The following RICTOR variants were observed in gnomAD, a reference collection of about 807,000 sequenced individuals.
The protein encoded by RICTOR is RPTOR independent companion of MTOR complex 2, also known as rapamycin-insensitive companion of mTOR.
A neutral mutation model predicts 214.9 loss-of-function variants in RICTOR; 49 were observed. That is an observed-to-expected ratio of 0.23 (90% CI 0.18 to 0.29). RICTOR has a LOEUF of 0.29. Ranked by LOEUF, RICTOR falls within the 10% of genes least tolerant of loss-of-function variation. RICTOR has a pLI of 1.00. For synonymous variants in RICTOR, 717 were observed against 711.3 expected (o/e 1.01, Z -0.13); for missense variants, 1,625 against 2,047.0 (o/e 0.79, Z 3.98).
In RICTOR at chr5:38,953,566, A is replaced by AG. The variant is rs1292563117; in HGVS notation, c.2698-14_2698-13insC. 2 of 924,092 alleles carry AG rather than the reference A, an allele frequency of 2.2e-6. No homozygotes were observed. The highest frequency in any genetic ancestry group is 2.3e-5 in the South Asian group (1 of 44,126). 57.2% of individuals were successfully genotyped at this position (924,092 alleles called of 1,614,324 possible). A position where few individuals can be genotyped will look rare whatever the true frequency, so the allele number is the denominator to read the frequency against. On this transcript the variant is annotated splice_polypyrimidine_tract_variant and intron_variant, in intron 27 of 37. Coordinates refer to ENST00000357387, the MANE Select transcript of RICTOR (RefSeq NM_152756.5). ...CTGTAATAATATTCTGGAGAAAGAA[A>AG]AAAAAATACCATGAGTAATAATATA... is the stretch of plus-strand genomic sequence containing the variant.
At chr5:38,967,094 C>G in intron 14 of RICTOR, 67 bp downstream of exon 14, 1 of 1,247,966 alleles carries the variant, frequency 8.0e-7, no homozygotes, top group Non-Finnish European at 1.2e-6. Context: ...AGTCACCACA[C>G]CTGGCATGAA....
At chr5:38,954,960 A>G (rs959032816) in intron 26 of RICTOR, 99 bp from the exon 27 acceptor site, 5 of 567,894 alleles carry the variant, frequency 8.8e-6, no homozygotes, top group Non-Finnish European at 1.5e-5. Flanking sequence ...AAAATTAGAT[A>G]CAACTCTCCA....
intron 19 of RICTOR, among the ~76,000 whole-genome samples, chr5:38,961,111 A>G (rs1023405716): frequency 6.6e-6 from 1 of 152,050 alleles, no homozygotes; most frequent in South Asian, 2.1e-4. Context: ...TCATACCAAA[A>G]AAAACCCCAA....
chr5:39,040,806 T>G (rs1395925428), intron 2 of RICTOR, among the ~76,000 whole-genome samples: 2 of 152,186 alleles, frequency 1.3e-5, no homozygotes, highest in South Asian at 2.1e-4. Context: ...CAGTTATAAA[T>G]TTCAATGCTC....
In RICTOR at chr5:39,034,616, C is replaced by A. The variant is rs557330214; in HGVS notation, c.98-13480G>T. 1.1e-4 allele frequency among the ~76,000 whole-genome samples: 16 copies of A among 152,332 alleles called. No homozygotes were observed. In the South Asian group the frequency reaches 2.9e-3, roughly 28 times the overall value. On this transcript the variant is annotated intron_variant, in intron 2 of 37. Transcript: ENST00000357387. ...CCTGGAAAATCGGGTCACTCACACC[C>A]TAATACTGCGCTGTTCCAATGGGCT...
intron 3 of RICTOR, among the ~76,000 whole-genome samples, chr5:39,008,716 T>C (rs940093205): frequency 4.6e-5 from 7 of 151,716 alleles, no homozygotes; most frequent in African/African-American, 7.3e-5. Flanking sequence ...ACTAAAAATA[T>C]ACCATTAAAA....
rs555435549 is a variant in RICTOR at position 39,013,242 on chromosome 5, T to A, written c.195+7797A>T. Among the ~76,000 whole-genome samples, 10 of 152,330 alleles carry A rather than the reference T, an allele frequency of 6.6e-5. No individual in the cohort carries two copies. In the East Asian group the frequency reaches 1.9e-3, roughly 29 times the overall value. Reference sequence around the variant, plus strand: ...ACAATTATTTTATGAGTATAACACGTTAAACTTAACATTTTTATAAAAGCA... The same window carrying A: ...ACAATTATTTTATGAGTATAACACGATAAACTTAACATTTTTATAAAAGCA... On this transcript the variant is annotated intron_variant, in intron 3 of 37. Coordinates refer to ENST00000357387, the MANE Select transcript of RICTOR (RefSeq NM_152756.5).
rs578258539 is a variant in RICTOR at position 39,028,331 on chromosome 5, C to T, written c.98-7195G>A. Among the ~76,000 whole-genome samples the T allele has an allele frequency of 1.5e-3, 220 of 151,504 alleles. 1 individual carries two copies. Among genetic ancestry groups the T allele is most frequent in the Admixed American group, 4.9e-3 (75 of 15,220 alleles). On this transcript the variant is annotated intron_variant, in intron 2 of 37. Coordinates refer to ENST00000357387, the MANE Select transcript of RICTOR (RefSeq NM_152756.5). ...CCAAGTAGCTGGGACTACAGGTGCCCGCCACTACGCCCGGCTAATTTTTTG... is the reference window on the plus strand; with the variant it reads ...CCAAGTAGCTGGGACTACAGGTGCCTGCCACTACGCCCGGCTAATTTTTTG...
At chr5:38,955,239 C>A (rs1003375713) in intron 26 of RICTOR, among the ~76,000 whole-genome samples, 1 of 151,940 alleles carries the variant, frequency 6.6e-6, no homozygotes, top group Non-Finnish European at 1.5e-5. Flanking sequence ...GTACCATTCC[C>A]AAGGTATCTC....
At chr5:38,965,265 T>A (rs1408694563) in intron 15 of RICTOR, among the ~76,000 whole-genome samples, 1 of 152,038 alleles carries the variant, frequency 6.6e-6, no homozygotes, top group East Asian at 1.9e-4. Flanking sequence ...AAATGCTAGA[T>A]GCCATATCCA....
intron 2 of RICTOR, chr5:39,022,554 T>C (rs1008368904): frequency 1.3e-5 from 2 of 153,262 alleles, no homozygotes; most frequent in African/African-American, 4.8e-5. Context: ...TGTTCTGTGT[T>C]GCAGCTAAAG....
chr5:39,037,554 A>G (rs1756815960), intron 2 of RICTOR, among the ~76,000 whole-genome samples: 1 of 152,178 alleles, frequency 6.6e-6, no homozygotes. Flanking sequence ...AGATCAACAA[A>G]ATTGATAGAA....
intron 3 of RICTOR, among the ~76,000 whole-genome samples, chr5:39,016,528 G>T (rs1181701533): frequency 6.6e-6 from 1 of 151,842 alleles, no homozygotes; most frequent in Non-Finnish European, 1.5e-5. Flanking sequence ...AATACTGTGG[G>T]GGAAATTTAG....
Position 38,940,206 on chromosome 5 carries a change from C to T in RICTOR, c.*2098G>A, listed in dbSNP as rs1352588169. ...TAAGCCTTATTTCAGGATAGATGACCAAGGTGAGGGTACAGGGATAGTGAT... is the reference window on the plus strand; with the variant it reads ...TAAGCCTTATTTCAGGATAGATGACTAAGGTGAGGGTACAGGGATAGTGAT... On this transcript the variant is annotated 3_prime_UTR_variant, in exon 38 of 38. Coordinates refer to ENST00000357387, the MANE Select transcript of RICTOR (RefSeq NM_152756.5). The T allele has an allele frequency of 4.4e-6, 1 of 226,018 alleles. No individual in the cohort carries two copies. Among genetic ancestry groups the T allele is most frequent in the East Asian group, 6.2e-5 (1 of 16,158 alleles). 14.0% of individuals were successfully genotyped at this position (226,018 alleles called of 1,614,324 possible).
At chr5:39,064,048 A>T (rs1186473963) in intron 2 of RICTOR, among the ~76,000 whole-genome samples, 1 of 152,198 alleles carries the variant, frequency 6.6e-6, no homozygotes, top group Non-Finnish European at 1.5e-5. Flanking sequence ...CTAAAAGAGG[A>T]ATACGAAGAA....
intron 25 of RICTOR, 32 bp from the exon 26 acceptor site, chr5:38,955,736 G>T: frequency 8.8e-7 from 1 of 1,142,318 alleles, no homozygotes; most frequent in Non-Finnish European, 1.3e-6. Flanking sequence ...ATTGCACATA[G>T]TATCACAATG....
intron 30 of RICTOR, among the ~76,000 whole-genome samples, chr5:38,951,409 T>C (rs2112863286): frequency 6.6e-6 from 1 of 152,128 alleles, no homozygotes; most frequent in Admixed American, 6.6e-5. Context: ...CATACTGCAT[T>C]ACCATTTCTA....
At chr5:39,063,804 C>A (rs1758710187) in intron 2 of RICTOR, among the ~76,000 whole-genome samples, 1 of 151,184 alleles carries the variant, frequency 6.6e-6, no homozygotes, top group Non-Finnish European at 1.5e-5. Context: ...ATTAATAAAA[C>A]CATTACAAAT....
At chr5:38,978,722 A>G (rs1751441305) in intron 8 of RICTOR, 72 bp from the exon 9 acceptor site, 3 of 724,148 alleles carry the variant, frequency 4.1e-6, no homozygotes, top group Non-Finnish European at 6.9e-6. Context: ...TATGGAATGT[A>G]ACATTCCATT....
Sources: allele counts gnomAD v4.1 joint callset (sites outside exome capture counted in the v4.1 genomes callset), GRCh38; gene constraint gnomAD v4.1.1; transcripts MANE v1.5; gene names NCBI Gene and HGNC (gene_info 2026-07-23, HGNC 2026-07-21).